Variants in GALNT8 observed in about 807,000 individuals in gnomAD.
GALNT8 encodes the protein polypeptide N-acetylgalactosaminyltransferase 8, also known as probable polypeptide N-acetylgalactosaminyltransferase 8.
In GALNT8, 66 loss-of-function variants were observed where a neutral mutation model predicts 62.7. The observed-to-expected ratio is 1.05, with a 90% CI of 0.86 to 1.29. The LOEUF is 1.29. Among genes scored for constraint, GALNT8 ranks in the 50% most tolerant of loss-of-function variants. The probability of loss-of-function intolerance (pLI) is 0.00; values close to 1 mark genes in which losing one functional copy is unlikely to be tolerated. For synonymous variants in GALNT8, 288 were observed against 294.3 expected (o/e 0.98, Z 0.22); for missense variants, 771 against 791.8 (o/e 0.97, Z 0.32).
chr12:4,752,678 CT>C (rs1565387171), intron 6 of GALNT8, among the ~76,000 whole-genome samples: 1 of 152,072 alleles, frequency 6.6e-6, no homozygotes, highest in African/African-American at 2.4e-5. Flanking sequence ...ATTATTTAGA[CT>C]TTCTATTTAG....
chr12:4,744,591 C>T lies in GALNT8; in HGVS notation c.751C>T (p.Arg251Trp), dbSNP rs150412211. 127 of 1,611,742 alleles carry T rather than the reference C, an allele frequency of 7.9e-5. No individual in the cohort carries two copies. The highest frequency in any genetic ancestry group is 1.1e-4 in the South Asian group (10 of 91,008). Residue 251 changes from arginine to tryptophan, a missense_variant, in exon 4 of 11, where the codon CGG (arginine) becomes TGG (tryptophan). Arg to Trp is a moderately radical substitution (Grantham distance 101). Coordinates refer to ENST00000252318, the MANE Select transcript of GALNT8 (RefSeq NM_017417.2). ...QKYPGLLKIIRHPERKGLAQA... is the reference protein window; with the variant it reads ...QKYPGLLKIIWHPERKGLAQA... Reference sequence around the variant, plus strand: ...GTATCCAGGACTACTGAAAATAATACGGCATCCTGAAAGGAAAGGTCTTGC... The same window carrying T: ...GTATCCAGGACTACTGAAAATAATATGGCATCCTGAAAGGAAAGGTCTTGC...
At chr12:4,743,144 C>T (rs1017495550) in intron 3 of GALNT8, among the ~76,000 whole-genome samples, 4 of 152,240 alleles carry the variant, frequency 2.6e-5, no homozygotes, top group African/African-American at 9.6e-5. Context: ...AGCCACCATG[C>T]CCACTATGGT....
At position 4,763,242 on chromosome 12, in the gene GALNT8, T is replaced by G; in HGVS notation, c.1360-11T>G. 1 of 1,610,770 alleles carries G rather than the reference T, an allele frequency of 6.2e-7. No individual in the cohort carries two copies. On this transcript the variant is annotated splice_polypyrimidine_tract_variant and intron_variant, in intron 7 of 10. Coordinates refer to ENST00000252318, the MANE Select transcript of GALNT8 (RefSeq NM_017417.2). Reference sequence around the variant, plus strand: ...ATCAAAGCACAGAAACACTTGGCGTTTTATTTACAGAACTCTGGAATAGAT... The same window carrying G: ...ATCAAAGCACAGAAACACTTGGCGTGTTATTTACAGAACTCTGGAATAGAT...
chr12:4,737,028 T>C (rs1946248558), intron 2 of GALNT8, among the ~76,000 whole-genome samples: 2 of 152,296 alleles, frequency 1.3e-5, no homozygotes, highest in South Asian at 4.1e-4. Context: ...TTATACATTA[T>C]AAAGAGGTTC....
intron 10 of GALNT8, among the ~76,000 whole-genome samples, chr12:4,770,146 A>G (rs965316551): frequency 6.6e-6 from 1 of 152,102 alleles, no homozygotes; most frequent in African/African-American, 2.4e-5. Context: ...TACTAAAAAT[A>G]CAAAAATTAG....
chr12:4,736,041 A>G (rs1591566264), intron 2 of GALNT8, among the ~76,000 whole-genome samples: 1 of 152,210 alleles, frequency 6.6e-6, no homozygotes, highest in East Asian at 1.9e-4. Context: ...ACAACCAGAA[A>G]TTTAACAGGA....
chr12:4,727,986 GTA>G (rs1381055322), intron 2 of GALNT8, among the ~76,000 whole-genome samples: 3 of 152,076 alleles, frequency 2.0e-5, no homozygotes, highest in Non-Finnish European at 2.9e-5. Flanking sequence ...CCCTCAAGCA[GTA>G]TATGAGAGTT....
At position 4,746,129 on chromosome 12, in the gene GALNT8, C is replaced by T. The variant is rs1040729791; in HGVS notation, c.1059-15C>T. 2 of 1,448,414 alleles carry T rather than the reference C, an allele frequency of 1.4e-6. No individual in the cohort carries two copies. Among genetic ancestry groups the T allele is most frequent in the African/African-American group, 2.8e-5 (2 of 71,814 alleles). 89.7% of individuals were successfully genotyped at this position (1,448,414 alleles called of 1,614,324 possible). ...CTTATGGAGAGATTAGTGACTCTTG[C>T]TGTGTGCTCTGTAGGAGTCCTTCAA... On this transcript the variant is annotated splice_polypyrimidine_tract_variant and intron_variant, in intron 5 of 10. Transcript: ENST00000252318.
intron 10 of GALNT8, chr12:4,768,415 T>G (rs1337327305): frequency 2.6e-6 from 1 of 385,156 alleles, no homozygotes. Context: ...TATCTTTTTT[T>G]TGTGTTTTTT....
chr12:4,726,615 C>T lies in GALNT8; in HGVS notation c.295C>T (p.Leu99=). ...KRAKDEVRPL[L]KAMETKVNET... ...GGCGAAAGATGAAGTACGCCCTCTT[C>T]TAAAGGCAATGGAAACCAAGGTGAA... Residue 99 remains leucine (L), a synonymous_variant, in exon 2 of 11, where the codon CTA becomes TTA. Transcript: ENST00000252318. This position sits in a 1 kb window ranked among gnomAD's most constrained non-coding sequence, Gnocchi z 4.1. 6.2e-7 allele frequency: 1 copy of T among 1,613,666 alleles called. No individual in the cohort carries two copies. The highest frequency in any genetic ancestry group is 8.5e-7 in the Non-Finnish European group (1 of 1,179,690).
intron 10 of GALNT8, among the ~76,000 whole-genome samples, chr12:4,771,717 G>C (rs1946425199): frequency 6.6e-6 from 1 of 152,172 alleles, no homozygotes; most frequent in South Asian, 2.1e-4. Flanking sequence ...GCAAAGGGTG[G>C]AGAGGGAACG....
intron 6 of GALNT8, among the ~76,000 whole-genome samples, chr12:4,758,604 CTCTG>C (rs1343158744): frequency 2.4e-5 from 2 of 83,218 alleles, no homozygotes; most frequent in Non-Finnish European, 4.6e-5. Context: ...AGCTTAATGT[CTCTG>C]TGTGTGTGTG....
intron 1 of GALNT8, among the ~76,000 whole-genome samples, chr12:4,723,295 A>T (rs1458927114): frequency 2.0e-5 from 3 of 152,162 alleles, no homozygotes; most frequent in Non-Finnish European, 4.4e-5. Flanking sequence ...AAACAGAGGG[A>T]AGATCATCAG....
intron 10 of GALNT8, among the ~76,000 whole-genome samples, chr12:4,772,106 G>T (rs1946427282): frequency 6.6e-6 from 1 of 152,188 alleles, no homozygotes; most frequent in Non-Finnish European, 1.5e-5. Flanking sequence ...GTGAGGACGT[G>T]GAGAGGAGGG....
chr12:4,744,716 G>T lies in GALNT8; in HGVS notation c.860+16G>T. ...ATGTTGGGTGGTAAGGCTCAAAGAG[G>T]CTAGTTCTTCTGGAAAGGGCAGAGA... On this transcript the variant is annotated intron_variant, in intron 4 of 10. Coordinates refer to ENST00000252318, the MANE Select transcript of GALNT8 (RefSeq NM_017417.2). 1.3e-6 allele frequency: 2 copies of T among 1,581,868 alleles called. No individual in the cohort carries two copies. The highest frequency in any genetic ancestry group is 1.7e-6 in the Non-Finnish European group (2 of 1,156,516).
Position 4,763,248 on chromosome 12 carries a change from T to C in GALNT8, c.1360-5T>C, listed in dbSNP as rs746592002. On this transcript the variant is annotated splice_polypyrimidine_tract_variant and splice_region_variant and intron_variant, in intron 7 of 10. Coordinates refer to ENST00000252318, the MANE Select transcript of GALNT8 (RefSeq NM_017417.2). ...GCACAGAAACACTTGGCGTTTTATTTACAGAACTCTGGAATAGATTTTGGA... is the reference window on the plus strand; with the variant it reads ...GCACAGAAACACTTGGCGTTTTATTCACAGAACTCTGGAATAGATTTTGGA... The C allele has an allele frequency of 3.7e-6, 6 of 1,611,740 alleles. 1 individual carries two copies. The East Asian group carries it at 1.1e-4, about 30-fold the overall frequency.
At chr12:4,768,419 G>GTTTTT in intron 10 of GALNT8, 1 of 372,752 alleles carries the variant, frequency 2.7e-6, no homozygotes, top group African/African-American at 2.1e-5. Flanking sequence ...TTTTTTTTGT[G>GTTTTT]TTTTTTCTTT....
Position 4,765,435 on chromosome 12 carries a change from C to T in GALNT8, c.1650C>T (p.Ala550=). ...ELYVGQLIAE[A]SASDRCLTDP... ...ATGTGGGACAACTGATTGCAGAGGC[C>T]AGTGCTAGTGATCGCTGCCTGACAG... Residue 550 remains alanine (A), a synonymous_variant, in exon 10 of 11, where the codon GCC becomes GCT. Transcript: ENST00000252318. 1 of 1,609,640 alleles carries T rather than the reference C, an allele frequency of 6.2e-7. No homozygotes were observed. Among genetic ancestry groups the T allele is most frequent in the Non-Finnish European group, 8.5e-7 (1 of 1,179,234 alleles).
At chr12:4,768,403 C>T in intron 10 of GALNT8, 1 of 375,208 alleles carries the variant, frequency 2.7e-6, no homozygotes. Flanking sequence ...CTCATTTTTT[C>T]ATATCTTTTT....
Sources: gnomAD v4.1 joint callset for allele counts (sites outside exome capture counted in the v4.1 genomes callset) on GRCh38, gnomAD v4.1.1 for gene constraint, Gnocchi (gnomAD v3.1) non-coding constraint, MANE v1.5 for transcripts, NCBI Gene and HGNC (gene_info 2026-07-23, HGNC 2026-07-21) for gene names.